SELENOO: variants seen among roughly 807,000 people sequenced by gnomAD.
SELENOO encodes selenoprotein O.
In SELENOO, 74 loss-of-function variants were observed where a neutral mutation model predicts 58.7. That is an observed-to-expected ratio of 1.26 (90% CI 1.04 to 1.53). The LOEUF (loss-of-function observed/expected upper bound fraction) is 1.53. Ranked by LOEUF, SELENOO falls within the 40% of genes most tolerant of loss-of-function variation. The probability of loss-of-function intolerance (pLI) is 0.00; values close to 1 mark genes in which losing one functional copy is unlikely to be tolerated. For synonymous variants in SELENOO, 543 were observed against 453.2 expected (o/e 1.20, Z -2.52); for missense variants, 1,149 against 970.0 (o/e 1.18, Z -2.45).
rs2147154564 is a variant in SELENOO, at chr22:50,201,055, G to GCGCTCGGGGCTT, written c.26_37dup (p.Gly9_Leu12dup). 2.2e-6 allele frequency: 3 copies of GCGCTCGGGGCTT among 1,348,726 alleles called. No homozygotes were observed. The highest frequency in any genetic ancestry group is 2.9e-6 in the Non-Finnish European group (3 of 1,051,536). 83.5% of individuals were successfully genotyped at this position (1,348,726 alleles called of 1,614,324 possible). A position where few individuals can be genotyped will look rare whatever the true frequency, so the allele number is the denominator to read the frequency against. Reference sequence around the variant, plus strand: ...GCCGCGGATGGCCGTATACAGGGCAGCGCTCGGGGCTTCGCTCGCGGCTGC... The same window carrying GCGCTCGGGGCTT: ...GCCGCGGATGGCCGTATACAGGGCAGCGCTCGGGGCTTCGCTCGGGGCTTCGCTCGCGGCTGC... On this transcript the variant is annotated inframe_insertion, in exon 1 of 9. Coordinates refer to ENST00000380903, the MANE Select transcript of SELENOO (RefSeq NM_031454.2).
intron 5 of SELENOO, among the ~76,000 whole-genome samples, chr22:50,211,427 ATGT>A (rs2064370907): frequency 6.6e-6 from 1 of 152,176 alleles, no homozygotes; most frequent in Non-Finnish European, 1.5e-5. Flanking sequence ...TAGGACGTGT[ATGT>A]TGAACAGAAG....
At chr22:50,216,581 C>T (rs1475220690) in intron 6 of SELENOO, 110 bp from the exon 7 acceptor site, 2 of 1,064,806 alleles carry the variant, frequency 1.9e-6, no homozygotes, top group East Asian at 2.6e-5. Context: ...CTGCTTGGGC[C>T]CTTGGACTCT....
At chr22:50,201,613 C>T in intron 1 of SELENOO, 23 bp downstream of exon 1, 9 of 1,250,838 alleles carry the variant, frequency 7.2e-6, no homozygotes, top group Non-Finnish European at 8.1e-6. Context: ...GGGCGAGGGG[C>T]GCGGGTGGGT....
At chr22:50,210,588 C>T (rs368893746) in intron 4 of SELENOO, 43 bp from the exon 5 acceptor site, 21 of 1,611,828 alleles carry the variant, frequency 1.3e-5, no homozygotes, top group South Asian at 3.3e-5. Context: ...CTCCCGGGAA[C>T]TTCCTCTCAG....
intron 5 of SELENOO, 102 bp from the exon 6 acceptor site, chr22:50,215,615 C>T (rs1430702188): frequency 1.2e-5 from 13 of 1,049,314 alleles, no homozygotes; most frequent in Middle Eastern, 3.4e-4. Context: ...TGGGTCCATG[C>T]AGCACCTGTG....
chr22:50,206,353 C>T lies in SELENOO; in HGVS notation c.591C>T (p.Ile197=). The T allele has an allele frequency of 6.2e-7, 1 of 1,614,090 alleles. No homozygotes were observed. The highest frequency in any genetic ancestry group is 1.3e-5 in the African/African-American group (1 of 75,048). ...ADGRKVLRSS[I]REFLCSEAMF... Reference sequence around the variant, plus strand: ...GTCGCAAGGTCCTACGGTCAAGCATCCGGGAGTTTCTATGCAGCGAAGCCA... The same window carrying T: ...GTCGCAAGGTCCTACGGTCAAGCATTCGGGAGTTTCTATGCAGCGAAGCCA... Residue 197 remains isoleucine (I), a synonymous_variant, in exon 2 of 9, where the codon ATC becomes ATT. Transcript: ENST00000380903.
chr22:50,214,350 T>G (rs976170696), intron 5 of SELENOO, among the ~76,000 whole-genome samples: 4 of 152,216 alleles, frequency 2.6e-5, no homozygotes, highest in Admixed American at 2.0e-4. Context: ...CCGGGCATGG[T>G]GGCTCATGCC....
intron 7 of SELENOO, 29 bp from the exon 8 acceptor site, chr22:50,216,943 G>T: frequency 6.2e-7 from 1 of 1,604,718 alleles, no homozygotes; most frequent in Non-Finnish European, 8.5e-7. Flanking sequence ...CAGCCCGGCT[G>T]TGACTCCAGA....
At position 50,216,960 on chromosome 22, in the gene SELENOO, A is replaced by C. The variant is rs202216125; in HGVS notation, c.1689-12A>C. ...GCCCGGCTGTGACTCCAGAGCCCGGATGTCATTCCAGAGCCCGGCTGGACA... is the reference window on the plus strand; with the variant it reads ...GCCCGGCTGTGACTCCAGAGCCCGGCTGTCATTCCAGAGCCCGGCTGGACA... On this transcript the variant is annotated splice_polypyrimidine_tract_variant and intron_variant, in intron 7 of 8. Coordinates refer to ENST00000380903, the MANE Select transcript of SELENOO (RefSeq NM_031454.2). 6.2e-7 allele frequency: 1 copy of C among 1,606,892 alleles called. No homozygotes were observed. The highest frequency in any genetic ancestry group is 8.5e-7 in the Non-Finnish European group (1 of 1,177,396).
chr22:50,217,552 C>A lies in SELENOO; in HGVS notation c.*183C>A. On this transcript the variant is annotated 3_prime_UTR_variant, in exon 9 of 9. Coordinates refer to ENST00000380903, the MANE Select transcript of SELENOO (RefSeq NM_031454.2). ...GACCCGTCTCTGTCTGAGGCCGGCT[C>A]AGCAGTGCAGCCTGGTCCCTGGGGG... 1 of 961,838 alleles carries A rather than the reference C, an allele frequency of 1.0e-6. No homozygotes were observed. The highest frequency in any genetic ancestry group is 1.5e-6 in the Non-Finnish European group (1 of 656,150). The allele number at this position is 961,838 out of a possible 1,614,324, so 59.6% of individuals were successfully genotyped here.
Position 50,216,987 on chromosome 22 carries a change from G to A in SELENOO, c.1704G>A (p.Lys568=), listed in dbSNP as rs34658004. The A allele has an allele frequency of 1.2e-6, 2 of 1,610,188 alleles. No homozygotes were observed. Among genetic ancestry groups the A allele is most frequent in the Non-Finnish European group, 1.7e-6 (2 of 1,179,130 alleles). The stretch of plus-strand genomic sequence containing the variant: ...GTCATTCCAGAGCCCGGCTGGACAA[G>A]GACCTGGAAGGCGCTGGGGACGCTG... ...WLQAYRARLD[K]DLEGAGDAAA... Residue 568 remains lysine, a synonymous_variant, in exon 8 of 9, where the codon AAG becomes AAA. Transcript: ENST00000380903.
In SELENOO at chr22:50,201,519, C is replaced by A. The variant is rs1258233804; in HGVS notation, c.483C>A (p.Gly161=). The change falls in exon 1 of 9, where the codon GGC becomes GGA. Residue 161 remains glycine, a synonymous_variant. Transcript: ENST00000380903. ...GCGACGGCGCCGCCATGTACCTGGG[C>A]GAGGTGTGCACGGCGACCGGCGAGC... ...QLGDGAAMYL[G]EVCTATGERW... is the part of the protein sequence containing the mutation. 2.8e-6 allele frequency: 4 copies of A among 1,426,160 alleles called. No individual in the cohort carries two copies. The South Asian group carries it at 5.5e-5, about 19-fold the overall frequency. 88.3% of individuals were successfully genotyped at this position (1,426,160 alleles called of 1,614,324 possible).
chr22:50,208,833 T>A, intron 3 of SELENOO, 117 bp downstream of exon 3: 1 of 991,978 alleles, frequency 1.0e-6, no homozygotes, highest in Non-Finnish European at 1.5e-6. Flanking sequence ...TCCCCGCCCT[T>A]CTCTGAGCTC....
At position 50,217,534 on chromosome 22, in the gene SELENOO, C is replaced by A; in HGVS notation, c.*165C>A. On this transcript the variant is annotated 3_prime_UTR_variant, in exon 9 of 9. Coordinates refer to ENST00000380903, the MANE Select transcript of SELENOO (RefSeq NM_031454.2). ...GACATCCAGTCAGGACCTGACCCGT[C>A]TCTGTCTGAGGCCGGCTCAGCAGTG... 9.4e-7 allele frequency: 1 copy of A among 1,058,664 alleles called. No homozygotes were observed. 65.6% of individuals were successfully genotyped at this position (1,058,664 alleles called of 1,614,324 possible). A position where few individuals can be genotyped will look rare whatever the true frequency, so the allele number is the denominator to read the frequency against.
chr22:50,208,083 T>G (rs1181726895), intron 2 of SELENOO, among the ~76,000 whole-genome samples: 1 of 151,818 alleles, frequency 6.6e-6, no homozygotes, highest in African/African-American at 2.4e-5. Flanking sequence ...TCTGGTTGGT[T>G]GTTTGCTTTT....
intron 5 of SELENOO, among the ~76,000 whole-genome samples, chr22:50,211,488 T>C (rs1569103406): frequency 2.0e-5 from 3 of 152,168 alleles, no homozygotes; most frequent in Non-Finnish European, 1.5e-5. Flanking sequence ...CGGGGAAAAG[T>C]GTTCAGTGTT....
chr22:50,208,978 G>A (rs763377912), intron 3 of SELENOO, among the ~76,000 whole-genome samples: 2 of 152,232 alleles, frequency 1.3e-5, no homozygotes, highest in Non-Finnish European at 1.5e-5. Context: ...TTGGGGCGGG[G>A]GTGCGGGGTG....
At chr22:50,201,760 G>C (rs1404732354) in intron 1 of SELENOO, among the ~76,000 whole-genome samples, 170 bp downstream of exon 1, 2 of 152,368 alleles carry the variant, frequency 1.3e-5, no homozygotes, top group South Asian at 4.1e-4. Flanking sequence ...TTATCAACCC[G>C]CCGAGGACCT....
intron 3 of SELENOO, 162 bp downstream of exon 3, chr22:50,208,878 G>A (rs1015040332): frequency 3.0e-6 from 2 of 675,360 alleles, no homozygotes; most frequent in Non-Finnish European, 2.4e-6. Flanking sequence ...ATGTGTGCTC[G>A]GGCCCTGGGA....
Sources: gnomAD v4.1 joint callset for allele counts (sites outside exome capture counted in the v4.1 genomes callset) on GRCh38, gnomAD v4.1.1 for gene constraint, MANE v1.5 for transcripts, NCBI Gene and HGNC (gene_info 2026-07-23, HGNC 2026-07-21) for gene names.